The following ADCY9 variants were observed in gnomAD, a reference collection of about 807,000 sequenced individuals.
ADCY9 encodes the protein adenylate cyclase type 9.
ADCY9 carries 50 observed loss-of-function variants against 101.5 expected under a neutral mutation model. The ratio of observed to expected loss-of-function variants is 0.49; its 90% CI spans 0.39 to 0.62. The LOEUF (loss-of-function observed/expected upper bound fraction) is 0.62, where lower values mean the gene tolerates loss of function less well. Among genes scored for constraint, ADCY9 ranks in the 20% least tolerant of loss-of-function variants. ADCY9 has a pLI of 0.00. For missense variants in ADCY9, 1,662 were observed against 1,800.4 expected (o/e 0.92, Z 1.39); for synonymous variants, 905 against 769.3 (o/e 1.18, Z -2.92).
intron 2 of ADCY9, among the ~76,000 whole-genome samples, chr16:4,108,681 A>G (rs924435991): frequency 1.5e-5 from 2 of 129,208 alleles, no homozygotes; most frequent in African/African-American, 5.8e-5. Context: ...CCATTTCTCC[A>G]TATCTTTAAT....
chr16:4,093,143 T>C (rs2141190943), intron 2 of ADCY9, among the ~76,000 whole-genome samples: 1 of 152,354 alleles, frequency 6.6e-6, no homozygotes, highest in East Asian at 1.9e-4. Context: ...TAAAATCAAA[T>C]GTTTGAATTG....
At chr16:3,968,734 C>A (rs1354513388) in intron 10 of ADCY9, among the ~76,000 whole-genome samples, 1 of 152,182 alleles carries the variant, frequency 6.6e-6, no homozygotes, top group Admixed American at 6.6e-5. Context: ...TATTCCCCTA[C>A]CCCTATCTTT....
At chr16:4,110,376 CTTTTTTTTTT>C (rs1170090126) in intron 2 of ADCY9, among the ~76,000 whole-genome samples, 5,010 of 110,870 alleles carry the variant, frequency 0.045, 324 homozygotes, top group African/African-American at 0.17. Context: ...CTTATACCTA[CTTTTTTTTTT>C]TTTTTTTTTT....
intron 2 of ADCY9, among the ~76,000 whole-genome samples, chr16:4,096,399 A>C (rs985136152): frequency 3.7e-4 from 57 of 152,364 alleles, no homozygotes; most frequent in African/African-American, 1.4e-3. Context: ...TTATTTGCCC[A>C]AAAGTGCTTG....
At chr16:4,071,722 C>T (rs2056835779) in intron 2 of ADCY9, among the ~76,000 whole-genome samples, 1 of 152,222 alleles carries the variant, frequency 6.6e-6, no homozygotes, top group South Asian at 2.1e-4. Flanking sequence ...AAAGAAGAAC[C>T]GAGTTTTAAT....
At chr16:3,973,279 C>T (rs2056067898) in intron 10 of ADCY9, among the ~76,000 whole-genome samples, 2 of 152,080 alleles carry the variant, frequency 1.3e-5, no homozygotes, top group Admixed American at 1.3e-4. Flanking sequence ...CCGATCTTGG[C>T]TCACTGCAAC....
chr16:4,072,685 T>C (rs1355344167), intron 2 of ADCY9, among the ~76,000 whole-genome samples: 1 of 152,204 alleles, frequency 6.6e-6, no homozygotes, highest in Admixed American at 6.5e-5. Context: ...TGGCCAATAA[T>C]TTTTTAAACA....
At chr16:4,103,468 A>G (rs769592196) in intron 2 of ADCY9, among the ~76,000 whole-genome samples, 1 of 152,240 alleles carries the variant, frequency 6.6e-6, no homozygotes, top group Admixed American at 6.5e-5. Context: ...ACCAAACTGC[A>G]CTAGCCCTCA....
At position 3,965,387 on chromosome 16, in the gene ADCY9, TCGTGGGA is replaced by T; in HGVS notation, c.*381_*387del. 1 of 242,780 alleles carries T rather than the reference TCGTGGGA, an allele frequency of 4.1e-6. No homozygotes were observed. 15.0% of individuals were successfully genotyped at this position (242,780 alleles called of 1,614,324 possible). A position where few individuals can be genotyped will look rare whatever the true frequency, so the allele number is the denominator to read the frequency against. On this transcript the variant is annotated 3_prime_UTR_variant, in exon 11 of 11. Transcript: ENST00000294016. The stretch of plus-strand genomic sequence containing the variant: ...TAGCCAGAGAACCGAAAATAGTGTC[TCGTGGGA>T]CGTGGGAAAAAGCAATAAAAATGAG...
chr16:4,063,827 T>C (rs371138797), intron 2 of ADCY9, among the ~76,000 whole-genome samples: 32 of 151,534 alleles, frequency 2.1e-4, no homozygotes, highest in African/African-American at 7.3e-4. Flanking sequence ...CAGAAATCAA[T>C]GAATTAGGGA....
intron 10 of ADCY9, among the ~76,000 whole-genome samples, chr16:3,972,376 C>T (rs2056059963): frequency 6.6e-6 from 1 of 151,756 alleles, no homozygotes; most frequent in Non-Finnish European, 1.5e-5. Flanking sequence ...ATTACAGGTG[C>T]CCGCCACCAC....
rs752875724 is a variant in ADCY9 at position 3,993,462 on chromosome 16, C to T, written c.1933G>A (p.Ala645Thr). 4.3e-6 allele frequency: 7 copies of T among 1,614,190 alleles called. No homozygotes were observed. In the South Asian group the frequency reaches 4.4e-5, roughly 10 times the overall value. ...CCGTTTTGAGGTGCTCCTCCCTCGG[C>T]GCCGGCTTCAGATTTGGGAGCAAAT... The part of the protein sequence containing the change: ...ITFAPKSEAG[A>T]EGGAPQNGCQ... Residue 645 changes from alanine (A) to threonine (T), a missense_variant, in exon 4 of 11, where the codon GCC (alanine) becomes ACC (threonine). Physicochemically the swap from Ala to Thr is moderately conservative, Grantham distance 58 (BLOSUM62 0). Coordinates refer to ENST00000294016, the MANE Select transcript of ADCY9 (RefSeq NM_001116.4).
At chr16:3,979,351 G>A (rs1347304857) in intron 7 of ADCY9, 76 bp from the exon 8 acceptor site, 50 of 1,526,668 alleles carry the variant, frequency 3.3e-5, no homozygotes, top group Middle Eastern at 2.3e-4. Context: ...GTGCGAGGCC[G>A]CAGCCAGCGC....
At chr16:4,045,594 TAAAAAAAAAAA>T (rs545715002) in intron 2 of ADCY9, among the ~76,000 whole-genome samples, 1 of 64,964 alleles carries the variant, frequency 1.5e-5, no homozygotes, top group East Asian at 7.1e-4. Context: ...GACTCTGCCT[TAAAAAAAAAAA>T]AAAAAAAAAA....
At chr16:4,008,664 T>C (rs2056383583) in intron 2 of ADCY9, among the ~76,000 whole-genome samples, 1 of 151,822 alleles carries the variant, frequency 6.6e-6, no homozygotes, top group Admixed American at 6.6e-5. Context: ...CTCCACCTCC[T>C]GGGTTCAAGC....
At chr16:3,959,876 T>A (rs1184457920), downstream of ADCY9, among the ~76,000 whole-genome samples, 2 of 150,650 alleles carry the variant, frequency 1.3e-5, no homozygotes, top group Non-Finnish European at 3.0e-5. Context: ...AAATCCAAAA[T>A]TTAGCTAGGC....
chr16:3,973,825 C>T (rs1044840602), intron 10 of ADCY9, among the ~76,000 whole-genome samples: 3 of 151,190 alleles, frequency 2.0e-5, no homozygotes, highest in Admixed American at 1.3e-4. Flanking sequence ...CTCTCCCTTC[C>T]TCTCAAATCT....
In ADCY9 at chr16:4,113,771, CGCTCTG is replaced by C; in HGVS notation, c.1666_1671del (p.Gln556_Ser557del). The C allele has an allele frequency of 8.7e-6, 14 of 1,613,260 alleles. No homozygotes were observed. Among genetic ancestry groups the C allele is most frequent in the African/African-American group, 4.0e-5 (3 of 75,018 alleles). The stretch of plus-strand genomic sequence containing the variant: ...ATACCTTTCAACTGGTCAGCAACCA[CGCTCTG>C]GCCCAGCCGTTCAATAACTTTCCCA... On this transcript the variant is annotated inframe_deletion, in exon 2 of 11. Transcript: ENST00000294016.
chr16:4,006,239 A>G lies in ADCY9; in HGVS notation c.1884+1129T>C, dbSNP rs185911157. Among the ~76,000 whole-genome samples the G allele has an allele frequency of 1.4e-4, 21 of 152,282 alleles. 1 individual carries two copies. Among genetic ancestry groups the G allele is most frequent in the Non-Finnish European group, 2.8e-4 (19 of 68,026 alleles). On this transcript the variant is annotated intron_variant, in intron 3 of 10. Coordinates refer to ENST00000294016, the MANE Select transcript of ADCY9 (RefSeq NM_001116.4). ...GTGGCGGCTAGGGATGCTGCCAGCC[A>G]TCTGACAGTGCACAGGACAGCCCCA...
Sources: gnomAD v4.1 joint callset for allele counts (sites outside exome capture counted in the v4.1 genomes callset) on GRCh38, gnomAD v4.1.1 for gene constraint, MANE v1.5 for transcripts, NCBI Gene and HGNC (gene_info 2026-07-23, HGNC 2026-07-21) for gene names.